Variants in KIR2DL4 observed in about 807,000 individuals in gnomAD.
KIR2DL4 encodes the protein killer cell immunoglobulin like receptor, two Ig domains and long cytoplasmic tail 4, also known as killer cell immunoglobulin-like receptor 2DL4.
In KIR2DL4, 41 loss-of-function variants were observed where a neutral mutation model predicts 31.0. That is an observed-to-expected ratio of 1.32 (90% confidence interval 1.03 to 1.72). The LOEUF is 1.72. KIR2DL4 is among the 40% of genes most tolerant of loss of function. KIR2DL4 has a pLI of 0.00. For synonymous variants in KIR2DL4, 164 were observed against 133.6 expected, an observed-to-expected ratio of 1.23 and a Z score of -1.57; for missense variants, 438 against 353.7, an observed-to-expected ratio of 1.24 and a Z score of -1.91.
At chr19:54,813,292 G>A (rs774093859) in intron 6 of KIR2DL4, 17 of 1,592,844 alleles carry the variant, frequency 1.1e-5, no homozygotes, top group East Asian at 2.3e-5. Flanking sequence ...ATGGGAGCAC[G>A]CAGGTGTGTG....
At chr19:54,805,147 C>G (rs2060434917) in intron 3 of KIR2DL4, 70 bp downstream of exon 3, 1 of 1,436,766 alleles carries the variant, frequency 7.0e-7, no homozygotes, top group Non-Finnish European at 9.3e-7. Flanking sequence ...GTGGGGGTGT[C>G]CACCAGAGTC....
rs2147980807 is a variant in KIR2DL4 at position 54,813,160 on chromosome 19, T to C, written c.742T>C (p.Ser248Pro). Residue 248 changes from serine (S) to proline (P), a missense_variant, in exon 6 of 8, where the codon TCA becomes CCA. Physicochemically the swap from Ser to Pro is moderately conservative, Grantham distance 74. Transcript: ENST00000359085. ...ACACCTGCATGCTGTGATTAGGTAC[T>C]CAGTGGCCATCATCCTCTTTACCAT... 1.2e-5 allele frequency: 18 copies of C among 1,527,310 alleles called. 2 individuals carry two copies. In the South Asian group the frequency reaches 1.8e-4, roughly 16 times the overall value. The allele number at this position is 1,527,310 out of a possible 1,614,324, so 94.6% of individuals were successfully genotyped here.
At position 54,814,034 on chromosome 19, in the gene KIR2DL4, A is replaced by G. The variant is rs1269857415; in HGVS notation, c.*234A>G. The G allele has an allele frequency of 4.3e-5, 70 of 1,612,196 alleles. 1 individual carries two copies. The highest frequency in any genetic ancestry group is 5.8e-5 in the Non-Finnish European group (69 of 1,179,710). On this transcript the variant is annotated 3_prime_UTR_variant, in exon 8 of 8. Transcript: ENST00000359085. Reference sequence around the variant, plus strand: ...CCATGAGCACCACAGTCAGGCCTTGATGGGATCTTCTAGGGAGACAACAGC... The same window carrying G: ...CCATGAGCACCACAGTCAGGCCTTGGTGGGATCTTCTAGGGAGACAACAGC...
At chr19:54,806,367 T>A (rs373463555) in intron 4 of KIR2DL4, 123 bp downstream of exon 4, 67 of 1,141,082 alleles carry the variant, frequency 5.9e-5, no homozygotes, top group African/African-American at 5.1e-4. Context: ...GGTGTGAGGG[T>A]GGGATCAGGG....
At chr19:54,804,854 C>T (rs1289472870) in exon 3 of KIR2DL4, 16 of 1,612,066 alleles carry the variant, frequency 9.9e-6, no homozygotes, top group Non-Finnish European at 6.8e-6. Context: ...AAGGAGGACA[C>T]GTGACTCTTC....
chr19:54,812,847 C>T (rs1426211175), intron 5 of KIR2DL4, among the ~76,000 whole-genome samples: 2 of 62,396 alleles, frequency 3.2e-5, no homozygotes, highest in East Asian at 7.8e-4. Context: ...CCAAAACACC[C>T]CTCCCAATAG....
chr19:54,803,936 TC>T lies in KIR2DL4; in HGVS notation c.76+14del. 6.2e-7 allele frequency: 1 copy of T among 1,607,862 alleles called. No individual in the cohort carries two copies. ...GTGTGGGCACACGTGGGTGAGTCCT[TC>T]CCCAAATGATGGGTTGCCATCTTCA... On this transcript the variant is annotated intron_variant, in intron 2 of 7. Coordinates refer to ENST00000359085, the Ensembl canonical transcript of KIR2DL4.
At chr19:54,809,567 A>G (rs1252886368) in intron 5 of KIR2DL4, among the ~76,000 whole-genome samples, 1 of 151,232 alleles carries the variant, frequency 6.6e-6, no homozygotes, top group African/African-American at 2.4e-5. Context: ...TTCCCTCTGA[A>G]TGTTCCAGGC....
At chr19:54,808,722 G>A (rs1569376097) in intron 4 of KIR2DL4, 111 bp from the exon 5 acceptor site, 1 of 841,250 alleles carries the variant, frequency 1.2e-6, no homozygotes, top group Non-Finnish European at 2.0e-6. Context: ...AGGACTCCCA[G>A]GGCCCAACAT....
At chr19:54,803,686 G>T in exon 1 of KIR2DL4, 1 of 1,612,128 alleles carries the variant, frequency 6.2e-7, no homozygotes, top group Non-Finnish European at 8.5e-7. Context: ...ATCCTGGCAT[G>T]TCTTGGTGAG....
chr19:54,813,963 T>C, exon 8 of KIR2DL4: 1 of 1,612,320 alleles, frequency 6.2e-7, no homozygotes, highest in African/African-American at 1.3e-5. Flanking sequence ...GATACCAGCG[T>C]GTGTATAGAA....
At chr19:54,808,742 G>T in intron 4 of KIR2DL4, 91 bp from the exon 5 acceptor site, 1 of 941,220 alleles carries the variant, frequency 1.1e-6, no homozygotes, top group Non-Finnish European at 1.7e-6. Flanking sequence ...TTAGATAATA[G>T]AATGTTGGCC....
intron 2 of KIR2DL4, among the ~76,000 whole-genome samples, 187 bp from the exon 3 acceptor site, chr19:54,804,606 G>T (rs1349030288): frequency 6.6e-6 from 1 of 151,186 alleles, no homozygotes; most frequent in African/African-American, 2.4e-5. Context: ...CACCTGCTCA[G>T]TTCTCAACTG....
intron 5 of KIR2DL4, among the ~76,000 whole-genome samples, chr19:54,812,591 A>G (rs1217523129): frequency 1.3e-5 from 2 of 149,972 alleles, no homozygotes; most frequent in African/African-American, 5.0e-5. Context: ...CTGTACTAGA[A>G]GCAGGACACT....
chr19:54,809,829 A>G (rs1447400614), intron 5 of KIR2DL4, among the ~76,000 whole-genome samples: 1 of 151,270 alleles, frequency 6.6e-6, no homozygotes, highest in Non-Finnish European at 1.5e-5. Context: ...ATCATCTAGG[A>G]TACCCTCCTT....
rs556397525 is a variant in KIR2DL4 at position 54,809,057 on chromosome 19, G to A, written c.706+174G>A. On this transcript the variant is annotated intron_variant, in intron 5 of 7. Coordinates refer to ENST00000359085, the Ensembl canonical transcript of KIR2DL4. ...GGATCTGGGCCCAGCACAGGGCTCA[G>A]TGAAATCTCTTAATCTCTAATTTTC... 3.3e-3 allele frequency among the ~76,000 whole-genome samples: 504 copies of A among 151,520 alleles called. 16 individuals carry two copies. Among genetic ancestry groups the A allele is most frequent in the African/African-American group, 0.011 (466 of 41,060 alleles).
chr19:54,810,746 A>C (rs17173113), intron 5 of KIR2DL4, among the ~76,000 whole-genome samples: 21,670 of 151,040 alleles, frequency 0.14, 2,029 homozygotes, highest in Middle Eastern at 0.19. Context: ...ACTCACAGCC[A>C]TTGGACTTAC....
rs1335365101 is a variant in KIR2DL4, at chr19:54,814,192, GGT to G, written c.*393_*394del. 310 of 1,465,972 alleles carry G rather than the reference GGT, an allele frequency of 2.1e-4. 3 individuals are homozygous for G. Among genetic ancestry groups the G allele is most frequent in the Non-Finnish European group, 2.7e-4 (293 of 1,066,126 alleles). The allele number at this position is 1,465,972 out of a possible 1,614,324, so 90.8% of individuals were successfully genotyped here. A position where few individuals can be genotyped will look rare whatever the true frequency, so the allele number is the denominator to read the frequency against. On this transcript the variant is annotated 3_prime_UTR_variant, in exon 8 of 8. Coordinates refer to ENST00000359085, the Ensembl canonical transcript of KIR2DL4. ...CTGTCTCTTGCTTACCAATGTCTAA[GGT>G]CCCCACTGCCTGCTGCAGAGAAAAC...
chr19:54,808,985 GC>G, intron 5 of KIR2DL4, 102 bp downstream of exon 5: 4 of 949,844 alleles, frequency 4.2e-6, no homozygotes, highest in Non-Finnish European at 6.9e-6. Context: ...GTGATTGTGG[GC>G]CTGTCTTCCA....
Sources: gnomAD v4.1 joint callset for allele counts (sites outside exome capture counted in the v4.1 genomes callset) on GRCh38, gnomAD v4.1.1 for gene constraint, MANE v1.5 for transcripts, NCBI Gene and HGNC (gene_info 2026-07-23, HGNC 2026-07-21) for gene names.